The following MYO9A variants were observed in gnomAD, a reference collection of about 807,000 sequenced individuals.
MYO9A encodes unconventional myosin-IXa.
In MYO9A, 103 loss-of-function variants were observed where a neutral mutation model predicts 293.3. The ratio of observed to expected loss-of-function variants is 0.35; its 90% CI spans 0.30 to 0.41. The LOEUF is 0.41. Ranked by LOEUF, MYO9A falls within the 10% of genes least tolerant of loss-of-function variation. The pLI is 1.00. For missense variants in MYO9A, 2,685 were observed against 3,033.0 expected, an observed-to-expected ratio of 0.89 and a Z score of 2.69; for synonymous variants, 1,001 against 1,035.7, an observed-to-expected ratio of 0.97 and a Z score of 0.64.
At chr15:72,054,677 TCAAAA>T in intron 1 of MYO9A, among the ~76,000 whole-genome samples, 1 of 36,952 alleles carries the variant, frequency 2.7e-5, no homozygotes, top group East Asian at 7.1e-4. Flanking sequence ...AGACTCTGTC[TCAAAA>T]AAAAAAAAAA....
chr15:71,980,125 C>A (rs1464610966), intron 11 of MYO9A, among the ~76,000 whole-genome samples: 1 of 152,100 alleles, frequency 6.6e-6, no homozygotes, highest in East Asian at 1.9e-4. Context: ...GGATTATAGG[C>A]ACAAGTCAAG....
At chr15:71,840,370 A>T (rs2055103669) in intron 39 of MYO9A, among the ~76,000 whole-genome samples, 1 of 152,196 alleles carries the variant, frequency 6.6e-6, no homozygotes, top group African/African-American at 2.4e-5. Context: ...GGGCTCCCAC[A>T]CGAGGATGAT....
chr15:71,931,055 T>C (rs778737744), intron 18 of MYO9A, among the ~76,000 whole-genome samples: 22 of 152,246 alleles, frequency 1.4e-4, no homozygotes, highest in Admixed American at 8.5e-4. Flanking sequence ...GCTGCCATTG[T>C]TTCAACAGTT....
At chr15:71,935,174 A>C in intron 17 of MYO9A, 167 bp downstream of exon 17, 1 of 670,032 alleles carries the variant, frequency 1.5e-6, no homozygotes, top group East Asian at 2.8e-5. Flanking sequence ...CATGAGATTC[A>C]TGGCTGTAAA....
At chr15:71,924,806 G>T (rs1271487501) in intron 18 of MYO9A, among the ~76,000 whole-genome samples, 1 of 151,980 alleles carries the variant, frequency 6.6e-6, no homozygotes, top group East Asian at 1.9e-4. Context: ...TGTAACCCCA[G>T]CTATTTGGGA....
chr15:71,847,281 A>G, intron 39 of MYO9A: 1 of 312,450 alleles, frequency 3.2e-6, no homozygotes, highest in Admixed American at 2.9e-5. Context: ...AAGGTAATCA[A>G]AAAGTAGAAC....
intron 1 of MYO9A, among the ~76,000 whole-genome samples, chr15:72,087,903 T>C (rs1360189168): frequency 6.6e-6 from 1 of 152,212 alleles, no homozygotes; most frequent in Non-Finnish European, 1.5e-5. Flanking sequence ...AAAGCCCCAA[T>C]CTGCAATGTG....
intron 11 of MYO9A, among the ~76,000 whole-genome samples, chr15:71,988,627 A>C (rs2076463173): frequency 6.6e-6 from 1 of 152,022 alleles, no homozygotes; most frequent in Non-Finnish European, 1.5e-5. Flanking sequence ...AGACAGCAAC[A>C]AGATCCAATG....
chr15:71,841,340 A>G (rs1287019602), intron 39 of MYO9A, among the ~76,000 whole-genome samples: 1 of 152,150 alleles, frequency 6.6e-6, no homozygotes, highest in Non-Finnish European at 1.5e-5. Context: ...CCATTAAGCA[A>G]GATGTTGGAT....
At chr15:72,118,421 CAG>C (rs1164969851), upstream of MYO9A, 1 of 154,518 alleles carries the variant, frequency 6.5e-6, no homozygotes, top group Non-Finnish European at 1.4e-5. Context: ...CCGGCCAACA[CAG>C]AGGTGCCTGA....
At chr15:72,015,765 G>C (rs1347062146) in intron 6 of MYO9A, among the ~76,000 whole-genome samples, 1 of 145,002 alleles carries the variant, frequency 6.9e-6, no homozygotes, top group Non-Finnish European at 1.5e-5. Flanking sequence ...TCGGCTCACT[G>C]CAAACTCTGC....
intron 1 of MYO9A, among the ~76,000 whole-genome samples, chr15:72,088,843 A>C (rs1351830321): frequency 6.6e-6 from 1 of 152,238 alleles, no homozygotes; most frequent in Non-Finnish European, 1.5e-5. Context: ...ATCTAAATAC[A>C]GTCCAGCTAA....
chr15:71,934,721 C>G (rs1326258481), intron 17 of MYO9A, among the ~76,000 whole-genome samples: 1 of 149,754 alleles, frequency 6.7e-6, no homozygotes, highest in African/African-American at 2.5e-5. Flanking sequence ...CTACCTCAGT[C>G]TCCTGAGTAG....
chr15:72,085,929 A>G (rs1163410367), intron 1 of MYO9A, among the ~76,000 whole-genome samples: 1 of 152,198 alleles, frequency 6.6e-6, no homozygotes, highest in African/African-American at 2.4e-5. Flanking sequence ...CTCCCAGATT[A>G]CATGCTCTAA....
chr15:72,037,941 G>T (rs1470594148), intron 2 of MYO9A, among the ~76,000 whole-genome samples: 1 of 150,074 alleles, frequency 6.7e-6, no homozygotes, highest in African/African-American at 2.5e-5. Context: ...CTGAGACAGG[G>T]TCTCACTCTA....
intron 19 of MYO9A, among the ~76,000 whole-genome samples, chr15:71,910,527 A>G (rs2057815954): frequency 6.6e-6 from 1 of 152,148 alleles, no homozygotes; most frequent in African/African-American, 2.4e-5. Flanking sequence ...TGCTATGAAC[A>G]TACTTATACT....
chr15:72,099,447 A>G (rs2080189041), intron 1 of MYO9A, among the ~76,000 whole-genome samples: 1 of 147,492 alleles, frequency 6.8e-6, no homozygotes, highest in South Asian at 2.2e-4. Flanking sequence ...AAAAAAGAAA[A>G]AAAAATTAGC....
chr15:71,847,167 A>C (rs1447766416), intron 39 of MYO9A, among the ~76,000 whole-genome samples: 2 of 152,246 alleles, frequency 1.3e-5, no homozygotes, highest in East Asian at 3.8e-4. Context: ...TCATCTAACA[A>C]AGAGGAAAAA....
chr15:71,920,936 T>C (rs1346594151), intron 18 of MYO9A, among the ~76,000 whole-genome samples: 1 of 152,144 alleles, frequency 6.6e-6, no homozygotes, highest in Non-Finnish European at 1.5e-5. Flanking sequence ...AGTGAGACTT[T>C]GTCTCAAAAA....
Sources: gnomAD v4.1 joint callset for allele counts (sites outside exome capture counted in the v4.1 genomes callset) on GRCh38, gnomAD v4.1.1 for gene constraint, MANE v1.5 for transcripts, NCBI Gene and HGNC (gene_info 2026-07-23, HGNC 2026-07-21) for gene names.